The following ZPBP variants were observed in gnomAD, a reference collection of about 807,000 sequenced individuals.
ZPBP encodes the protein zona pellucida binding protein, also known as zona pellucida-binding protein 1.
Under a neutral mutation model 44.8 loss-of-function variants are expected in ZPBP, and 26 were observed. The observed-to-expected ratio is 0.58, with a 90% CI of 0.43 to 0.81. The LOEUF is 0.81. Ranked by LOEUF, ZPBP falls within the 30% of genes least tolerant of loss-of-function variation. ZPBP has a pLI of 0.00. For missense variants in ZPBP, 409 were observed against 434.0 expected, an observed-to-expected ratio of 0.94 and a Z score of 0.51; for synonymous variants, 174 against 153.2, an observed-to-expected ratio of 1.14 and a Z score of -1.00.
At chr7:50,024,660 G>A (rs1799244813) in intron 5 of ZPBP, among the ~76,000 whole-genome samples, 2 of 151,816 alleles carry the variant, frequency 1.3e-5, no homozygotes, top group South Asian at 4.2e-4. Flanking sequence ...GTTACCCAGG[G>A]GCAGGGCAGG....
At chr7:49,983,887 C>G (rs753315810) in intron 6 of ZPBP, among the ~76,000 whole-genome samples, 2 of 151,806 alleles carry the variant, frequency 1.3e-5, no homozygotes, top group Non-Finnish European at 2.9e-5. Flanking sequence ...AGAAGCTTAT[C>G]CTGAGGCACA....
chr7:49,884,548 A>C (rs929727727), intron 2 of ZPBP, among the ~76,000 whole-genome samples: 3 of 152,104 alleles, frequency 2.0e-5, no homozygotes, highest in Non-Finnish European at 4.4e-5. Context: ...TTCAGGAAGG[A>C]ACTCAGTTCT....
intron 7 of ZPBP, among the ~76,000 whole-genome samples, chr7:49,950,916 A>C (rs1184800529): frequency 1.3e-5 from 2 of 151,882 alleles, no homozygotes; most frequent in Non-Finnish European, 3.0e-5. Flanking sequence ...ACCACCAATG[A>C]AACAGAATAG....
At chr7:50,022,572 A>T (rs988761830) in intron 5 of ZPBP, among the ~76,000 whole-genome samples, 1 of 152,122 alleles carries the variant, frequency 6.6e-6, no homozygotes. Flanking sequence ...ATAAATAATG[A>T]AACACAAAAG....
chr7:50,092,320 A>G (rs1803034549), intron 1 of ZPBP, among the ~76,000 whole-genome samples: 1 of 152,068 alleles, frequency 6.6e-6, no homozygotes, highest in Non-Finnish European at 1.5e-5. Flanking sequence ...TATTCACTCC[A>G]TTTGTTTCCT....
intron 2 of ZPBP, among the ~76,000 whole-genome samples, chr7:49,886,917 A>G (rs1015657582): frequency 5.3e-5 from 8 of 151,790 alleles, no homozygotes; most frequent in African/African-American, 1.9e-4. Context: ...TTTCTACTTT[A>G]TGGGTCCTTT....
At chr7:49,884,505 ATC>A (rs1791811563) in intron 2 of ZPBP, among the ~76,000 whole-genome samples, 1 of 152,212 alleles carries the variant, frequency 6.6e-6, no homozygotes, top group South Asian at 2.1e-4. Flanking sequence ...GGGGTGTGGC[ATC>A]TCATTCTCTG....
chr7:49,895,302 C>T (rs1792328032), intron 2 of ZPBP, among the ~76,000 whole-genome samples: 1 of 152,170 alleles, frequency 6.6e-6, no homozygotes, highest in African/African-American at 2.4e-5. Flanking sequence ...GACTTAATCA[C>T]CTCCTGAAGG....
chr7:50,009,537 G>A (rs1798475538), intron 6 of ZPBP, among the ~76,000 whole-genome samples: 1 of 151,854 alleles, frequency 6.6e-6, no homozygotes, highest in Non-Finnish European at 1.5e-5. Context: ...GCCATGCCAT[G>A]CCCCTATCTC....
chr7:49,910,007 G>A (rs1417373533), intron 1 of ZPBP, among the ~76,000 whole-genome samples: 1 of 152,042 alleles, frequency 6.6e-6, no homozygotes, highest in Non-Finnish European at 1.5e-5. Flanking sequence ...TACTCAGGAG[G>A]CTAAGGTGGG....
In ZPBP at chr7:50,014,716, C is replaced by T. The variant is rs191707817; in HGVS notation, c.783+3524G>A. Among the ~76,000 whole-genome samples, 72 of 152,056 alleles carry T rather than the reference C, an allele frequency of 4.7e-4. 1 individual carries two copies. In the East Asian group the frequency reaches 9.1e-3, roughly 19 times the overall value. The stretch of plus-strand genomic sequence containing the variant: ...CTGACCTCAAGTAATCCACTCGCCT[C>T]AGCCTCCCAAAGTGCTGATATTACA... On this transcript the variant is annotated intron_variant, in intron 6 of 7. Transcript: ENST00000046087.
At chr7:49,981,321 A>C (rs1456284154) in intron 7 of ZPBP, among the ~76,000 whole-genome samples, 2 of 46,298 alleles carry the variant, frequency 4.3e-5, no homozygotes, top group Non-Finnish European at 1.0e-4. Context: ...ATATTATATA[A>C]TATATATTAT....
In ZPBP at chr7:49,994,144, C is replaced by T. The variant is rs1029863400; in HGVS notation, c.784-10625G>A. Among the ~76,000 whole-genome samples the T allele has an allele frequency of 4.6e-5, 7 of 152,186 alleles. No homozygotes were observed. The East Asian group carries it at 1.3e-3, about 29-fold the overall frequency. ...ATTTCACATCTGGCCATTATTCGTT[C>T]CAATTGCACAGTTTTGATGCATTGC... On this transcript the variant is annotated intron_variant, in intron 6 of 7. Transcript: ENST00000046087.
chr7:50,027,713 T>C lies in ZPBP; in HGVS notation c.706+3379A>G, dbSNP rs78145227. Among the ~76,000 whole-genome samples, 689 of 151,974 alleles carry C rather than the reference T, an allele frequency of 4.5e-3. 3 individuals are homozygous for C. The highest frequency in any genetic ancestry group is 0.016 in the African/African-American group (669 of 41,514). On this transcript the variant is annotated intron_variant, in intron 5 of 7. Coordinates refer to ENST00000046087, the MANE Select transcript of ZPBP (RefSeq NM_007009.3). ...GCAATAAAATTGACAAACATTCACA[T>C]AGAGAAATCAAAGTAGAGACATTAC...
intron 2 of ZPBP, among the ~76,000 whole-genome samples, chr7:49,859,728 T>C (rs10265782): frequency 0.044 from 6,755 of 152,292 alleles, 389 homozygotes; most frequent in African/African-American, 0.13. Flanking sequence ...ATGATCTTGA[T>C]TATTTTCTCC....
chr7:49,933,046 A>T (rs984202885), downstream of ZPBP, among the ~76,000 whole-genome samples: 8 of 152,208 alleles, frequency 5.3e-5, no homozygotes, highest in African/African-American at 1.7e-4. Context: ...CTTTATTAGC[A>T]GTGTGAGAAC....
chr7:50,014,758 C>T (rs747329531), intron 6 of ZPBP, among the ~76,000 whole-genome samples: 2 of 152,082 alleles, frequency 1.3e-5, no homozygotes, highest in African/African-American at 2.4e-5. Context: ...AGCCACCACT[C>T]CCAGCCTAAT....
chr7:50,009,924 C>T (rs1027118960), intron 6 of ZPBP, among the ~76,000 whole-genome samples: 4 of 151,916 alleles, frequency 2.6e-5, no homozygotes, highest in African/African-American at 9.7e-5. Flanking sequence ...TACATACAAA[C>T]TTATTAAAAC....
At chr7:50,089,446 G>C (rs1222053197) in intron 2 of ZPBP, among the ~76,000 whole-genome samples, 183 bp downstream of exon 2, 2 of 151,950 alleles carry the variant, frequency 1.3e-5, no homozygotes, top group Non-Finnish European at 1.5e-5. Context: ...TGTAGTTATA[G>C]CATATAGTAT....
Sources: allele counts gnomAD v4.1 joint callset (sites outside exome capture counted in the v4.1 genomes callset), GRCh38; gene constraint gnomAD v4.1.1; transcripts MANE v1.5; gene names NCBI Gene and HGNC (gene_info 2026-07-23, HGNC 2026-07-21).